The following FAM168A variants were observed in gnomAD, a reference collection of about 807,000 sequenced individuals.
FAM168A encodes protein FAM168A.
Under a neutral mutation model 28.5 loss-of-function variants are expected in FAM168A, and 3 were observed. The observed-to-expected ratio is 0.11, with a 90% CI of 0.05 to 0.27. The LOEUF is 0.27. Among genes scored for constraint, FAM168A ranks in the 10% least tolerant of loss-of-function variants. The probability of loss-of-function intolerance (pLI) is 1.00; values close to 1 mark genes in which losing one functional copy is unlikely to be tolerated. For synonymous variants in FAM168A, 122 were observed against 124.2 expected (o/e 0.98, Z 0.12); for missense variants, 222 against 311.5 (o/e 0.71, Z 2.16).
intron 1 of FAM168A, among the ~76,000 whole-genome samples, chr11:73,562,820 T>C (rs1034388020): frequency 4.0e-5 from 6 of 150,732 alleles, no homozygotes; most frequent in African/African-American, 9.7e-5. Context: ...AGTAAGACTC[T>C]GTCTCAAAAA....
At chr11:73,535,699 G>T (rs112173861) in intron 1 of FAM168A, among the ~76,000 whole-genome samples, 43 of 149,856 alleles carry the variant, frequency 2.9e-4, no homozygotes, top group African/African-American at 1.0e-3. Context: ...GATTACAGGC[G>T]TGAGCCACCG....
chr11:73,466,623 T>C (rs1365337177), intron 2 of FAM168A, among the ~76,000 whole-genome samples: 1 of 152,184 alleles, frequency 6.6e-6, no homozygotes, highest in Non-Finnish European at 1.5e-5. Flanking sequence ...TACTTAGATC[T>C]TCCATCTCCA....
intron 1 of FAM168A, among the ~76,000 whole-genome samples, chr11:73,572,868 T>G (rs905023288): frequency 2.0e-5 from 3 of 151,748 alleles, no homozygotes; most frequent in Non-Finnish European, 4.4e-5. Context: ...CCAAGAATGA[T>G]CAATAAAATA....
intron 3 of FAM168A, among the ~76,000 whole-genome samples, chr11:73,422,551 T>C (rs1036784577): frequency 1.3e-5 from 2 of 152,228 alleles, no homozygotes; most frequent in South Asian, 2.1e-4. Flanking sequence ...CAGAGCTCAG[T>C]TGTGGGATGA....
At chr11:73,487,587 A>G (rs1217819401) in intron 1 of FAM168A, among the ~76,000 whole-genome samples, 5 of 152,190 alleles carry the variant, frequency 3.3e-5, no homozygotes, top group African/African-American at 9.7e-5. Context: ...TAATAACTAT[A>G]TAAGTAATGA....
intron 1 of FAM168A, among the ~76,000 whole-genome samples, chr11:73,545,687 T>C (rs1943740761): frequency 7.3e-6 from 1 of 137,796 alleles, no homozygotes; most frequent in Non-Finnish European, 1.6e-5. Flanking sequence ...TATATACTTT[T>C]TTTTTTTTTT....
intron 1 of FAM168A, among the ~76,000 whole-genome samples, chr11:73,552,214 G>C (rs1242984910): frequency 6.6e-6 from 1 of 152,060 alleles, no homozygotes; most frequent in African/African-American, 2.4e-5. Context: ...CTGTGAACTT[G>C]GGCACATTTC....
At chr11:73,417,761 A>G (rs1027737351) in intron 4 of FAM168A, among the ~76,000 whole-genome samples, 5 of 152,016 alleles carry the variant, frequency 3.3e-5, no homozygotes, top group South Asian at 2.1e-4. Flanking sequence ...GGGTTTCACC[A>G]TGTTGGCCAG....
intron 1 of FAM168A, among the ~76,000 whole-genome samples, chr11:73,560,943 T>C (rs12290701): frequency 0.21 from 31,836 of 151,500 alleles, 5,584 homozygotes; most frequent in African/African-American, 0.49. Flanking sequence ...CACCTGTAGT[T>C]GCAGCTACTC....
chr11:73,440,087 T>C (rs1867167219), intron 2 of FAM168A, among the ~76,000 whole-genome samples: 1 of 152,036 alleles, frequency 6.6e-6, no homozygotes, highest in Non-Finnish European at 1.5e-5. Context: ...GGTTTCGCCA[T>C]GTTGGCCAGG....
Position 73,411,445 on chromosome 11 carries a change from C to T in FAM168A, c.369G>A (p.Thr123=), listed in dbSNP as rs1429214507. Residue 123 remains threonine, a synonymous_variant, in exon 5 of 8, where the codon ACG becomes ACA. Transcript: ENST00000356467. ...AGGCACTTCTGATTGGATACATGGC[C>T]GTCTGATAGGGGTTGGGTGATGGGG... ...PYSPSPNPYQ[T]AMYPIRSAYP... is the part of the protein sequence containing the mutation. 5.0e-6 allele frequency: 8 copies of T among 1,612,930 alleles called. No homozygotes were observed. Among genetic ancestry groups the T allele is most frequent in the Non-Finnish European group, 6.8e-6 (8 of 1,179,480 alleles).
At chr11:73,407,392 T>C (rs1184286783) in intron 7 of FAM168A, 121 bp downstream of exon 7, 3 of 568,124 alleles carry the variant, frequency 5.3e-6, no homozygotes, top group Non-Finnish European at 6.0e-6. Flanking sequence ...GGAAAGCAAC[T>C]GGTAACTTGA....
chr11:73,555,245 T>C (rs1943876113), intron 1 of FAM168A, among the ~76,000 whole-genome samples: 1 of 152,168 alleles, frequency 6.6e-6, no homozygotes, highest in Non-Finnish European at 1.5e-5. Flanking sequence ...CCTGAATATC[T>C]GGTCTACCAT....
chr11:73,441,662 C>T (rs566263714), intron 2 of FAM168A, among the ~76,000 whole-genome samples: 5 of 152,238 alleles, frequency 3.3e-5, no homozygotes, highest in African/African-American at 4.8e-5. Flanking sequence ...CTTTTCTTTG[C>T]GGAAAGTTTT....
intron 2 of FAM168A, among the ~76,000 whole-genome samples, chr11:73,448,718 C>T (rs1308692386): frequency 6.6e-6 from 1 of 152,124 alleles, no homozygotes. Flanking sequence ...ACTCGTGTTC[C>T]TCTATAACCC....
At chr11:73,435,476 G>A (rs541743536) in intron 2 of FAM168A, among the ~76,000 whole-genome samples, 2 of 152,342 alleles carry the variant, frequency 1.3e-5, no homozygotes, top group Non-Finnish European at 1.5e-5. Context: ...GAATTTGGCA[G>A]ATATTATATA....
intron 1 of FAM168A, among the ~76,000 whole-genome samples, chr11:73,506,900 C>G (rs1221491373): frequency 6.6e-6 from 1 of 152,134 alleles, no homozygotes; most frequent in African/African-American, 2.4e-5. Flanking sequence ...TTTCCCCACT[C>G]ACATATATAA....
chr11:73,554,234 C>T (rs1271631539), intron 1 of FAM168A, among the ~76,000 whole-genome samples: 1 of 151,816 alleles, frequency 6.6e-6, no homozygotes, highest in Non-Finnish European at 1.5e-5. Context: ...TTTAAATTAG[C>T]TGGGCATGGG....
intron 1 of FAM168A, among the ~76,000 whole-genome samples, chr11:73,593,893 G>A (rs1944411940): frequency 1.3e-5 from 2 of 152,126 alleles, no homozygotes; most frequent in Non-Finnish European, 2.9e-5. Context: ...TTTAACCATA[G>A]CATTCATTTT....
Sources: gnomAD v4.1 joint callset for allele counts (sites outside exome capture counted in the v4.1 genomes callset) on GRCh38, gnomAD v4.1.1 for gene constraint, MANE v1.5 for transcripts, NCBI Gene and HGNC (gene_info 2026-07-23, HGNC 2026-07-21) for gene names.